IL1RL1: variants seen among roughly 807,000 people sequenced by gnomAD.
IL1RL1 encodes the protein interleukin 1 receptor like 1, also known as interleukin-1 receptor-like 1.
A neutral mutation model predicts 50.9 loss-of-function variants in IL1RL1; 32 were observed. That is an observed-to-expected ratio of 0.63 (90% confidence interval 0.47 to 0.84). The LOEUF (loss-of-function observed/expected upper bound fraction) is 0.84, where lower values mean the gene tolerates loss of function less well. Among genes scored for constraint, IL1RL1 ranks in the 40% least tolerant of loss-of-function variants. IL1RL1 has a pLI of 0.00. For synonymous variants in IL1RL1, 275 were observed against 236.0 expected, an observed-to-expected ratio of 1.17 and a Z score of -1.51; for missense variants, 773 against 662.9, an observed-to-expected ratio of 1.17 and a Z score of -1.82.
intron 1 of IL1RL1, among the ~76,000 whole-genome samples, chr2:102,326,636 C>A (rs1477788604): frequency 6.6e-6 from 1 of 151,494 alleles, no homozygotes; most frequent in Admixed American, 6.6e-5. Context: ...CACATAGACT[C>A]AAAATAAAGG....
At chr2:102,322,809 A>C (rs1443312395) in intron 1 of IL1RL1, among the ~76,000 whole-genome samples, 2 of 152,118 alleles carry the variant, frequency 1.3e-5, no homozygotes, top group Non-Finnish European at 2.9e-5. Context: ...CACCTTTCCA[A>C]TCAAATTTCC....
intron 1 of IL1RL1, among the ~76,000 whole-genome samples, chr2:102,332,529 A>G (rs572858201): frequency 6.6e-6 from 1 of 152,234 alleles, no homozygotes; most frequent in Non-Finnish European, 1.5e-5. Flanking sequence ...TGGAAAGATT[A>G]TGCTAAGTGA....
chr2:102,340,893 C>T (rs2104988075), intron 5 of IL1RL1, 65 bp downstream of exon 5: 5 of 1,318,866 alleles, frequency 3.8e-6, no homozygotes, highest in South Asian at 1.5e-5. Context: ...AACAGCGGTG[C>T]CCTTCTGGTT....
At chr2:102,323,818 A>G (rs1408512795) in intron 1 of IL1RL1, among the ~76,000 whole-genome samples, 2 of 152,174 alleles carry the variant, frequency 1.3e-5, no homozygotes, top group African/African-American at 4.8e-5. Flanking sequence ...CTCTGAAACC[A>G]TCATCTCAAT....
intron 5 of IL1RL1, among the ~76,000 whole-genome samples, 155 bp downstream of exon 5, chr2:102,340,983 GAGGT>G (rs1354867699): frequency 3.9e-5 from 6 of 152,128 alleles, no homozygotes; most frequent in African/African-American, 1.4e-4. Context: ...ATGACGCAAA[GAGGT>G]TTTCTGAACA....
At chr2:102,334,342 G>A (rs2104978135) in intron 1 of IL1RL1, among the ~76,000 whole-genome samples, 1 of 152,250 alleles carries the variant, frequency 6.6e-6, no homozygotes, top group African/African-American at 2.4e-5. Flanking sequence ...GAGGGAAGGA[G>A]TGGAGGCTTG....
intron 1 of IL1RL1, among the ~76,000 whole-genome samples, chr2:102,314,195 C>T (rs908115350): frequency 6.6e-6 from 1 of 152,152 alleles, no homozygotes; most frequent in South Asian, 2.1e-4. Context: ...TGTGCCAGAC[C>T]CTGAGACAAG....
At chr2:102,319,721 T>C (rs927187905) in intron 1 of IL1RL1, among the ~76,000 whole-genome samples, 5 of 152,312 alleles carry the variant, frequency 3.3e-5, no homozygotes, top group Admixed American at 6.5e-5. Flanking sequence ...CAAGATGTCA[T>C]TCTGTCATCC....
At chr2:102,319,640 C>G (rs1369371139) in intron 1 of IL1RL1, among the ~76,000 whole-genome samples, 1 of 152,056 alleles carries the variant, frequency 6.6e-6, no homozygotes, top group Non-Finnish European at 1.5e-5. Context: ...GGATTTCTGC[C>G]CTTATAGAAT....
chr2:102,324,531 C>G (rs539459568), intron 1 of IL1RL1, among the ~76,000 whole-genome samples: 1 of 152,134 alleles, frequency 6.6e-6, no homozygotes, highest in Non-Finnish European at 1.5e-5. Context: ...GAGCACTGAG[C>G]GTGAGCCAAA....
chr2:102,334,005 C>T (rs1573144856), intron 1 of IL1RL1, among the ~76,000 whole-genome samples: 1 of 152,122 alleles, frequency 6.6e-6, no homozygotes, highest in Non-Finnish European at 1.5e-5. Context: ...TGAGTTGGTT[C>T]CATGACTTTC....
intron 8 of IL1RL1, chr2:102,345,742 G>T (rs543189880): frequency 2.0e-6 from 2 of 985,258 alleles, no homozygotes; most frequent in East Asian, 1.1e-4. Flanking sequence ...TATAAGTGCC[G>T]TAGTGTTCTG....
intron 1 of IL1RL1, among the ~76,000 whole-genome samples, chr2:102,316,276 G>T (rs1225804692): frequency 1.3e-5 from 2 of 152,200 alleles, no homozygotes; most frequent in African/African-American, 4.8e-5. Context: ...TCCCTGAGCT[G>T]AGATATGCTA....
At chr2:102,314,160 C>A (rs1267165659) in intron 1 of IL1RL1, among the ~76,000 whole-genome samples, 2 of 152,138 alleles carry the variant, frequency 1.3e-5, no homozygotes, top group Non-Finnish European at 2.9e-5. Context: ...GCAGCAGCAG[C>A]AGTCGACACT....
chr2:102,312,452 T>C (rs1463028006), intron 1 of IL1RL1, among the ~76,000 whole-genome samples: 2 of 151,884 alleles, frequency 1.3e-5, no homozygotes, highest in African/African-American at 4.8e-5. Flanking sequence ...TGGTTGAGGG[T>C]AAGAAAGGAT....
intron 10 of IL1RL1, among the ~76,000 whole-genome samples, chr2:102,350,549 T>C (rs1165129601): frequency 1.3e-5 from 2 of 152,250 alleles, no homozygotes; most frequent in African/African-American, 4.8e-5. Context: ...CTGACTAAGG[T>C]ACTGTCTATA....
intron 1 of IL1RL1, among the ~76,000 whole-genome samples, chr2:102,336,905 T>C (rs1260418634): frequency 1.3e-5 from 2 of 152,142 alleles, no homozygotes; most frequent in East Asian, 3.9e-4. Context: ...CTTTCCTGAG[T>C]GGTGTCTGCC....
intron 8 of IL1RL1, among the ~76,000 whole-genome samples, chr2:102,347,321 C>T (rs1476078293): frequency 6.6e-6 from 1 of 152,200 alleles, no homozygotes; most frequent in Non-Finnish European, 1.5e-5. Context: ...AAACTTTCTG[C>T]TACCATCAGA....
In IL1RL1 at chr2:102,340,200, A is replaced by C. The variant is rs755333929; in HGVS notation, c.375A>C (p.Ser125=). The stretch of plus-strand genomic sequence containing the variant: ...TGATGTATTCAACAGTATCTGGATC[A>C]GAAAAAAATTCCAAAATTTATTGTC... ...DYLMYSTVSG[S]EKNSKIYCPT... Residue 125 remains serine, a synonymous_variant, in exon 4 of 11, where the codon TCA becomes TCC. Transcript: ENST00000233954. The C allele has an allele frequency of 1.2e-6, 2 of 1,606,198 alleles. No homozygotes were observed. Among genetic ancestry groups the C allele is most frequent in the Non-Finnish European group, 1.7e-6 (2 of 1,177,474 alleles).
Sources: allele counts gnomAD v4.1 joint callset (sites outside exome capture counted in the v4.1 genomes callset), GRCh38; gene constraint gnomAD v4.1.1; transcripts MANE v1.5; gene names NCBI Gene and HGNC (gene_info 2026-07-23, HGNC 2026-07-21).